The following NR2F2 variants were observed in gnomAD, a reference collection of about 807,000 sequenced individuals.
The protein encoded by NR2F2 is nuclear receptor subfamily 2 group F member 2, also known as COUP transcription factor 2.
Under a neutral mutation model 34.8 loss-of-function variants are expected in NR2F2, and 2 were observed. The ratio of observed to expected loss-of-function variants is 0.06; its 90% CI spans 0.02 to 0.18. The LOEUF (loss-of-function observed/expected upper bound fraction) is 0.18, where lower values mean the gene tolerates loss of function less well. Ranked by LOEUF, NR2F2 falls within the 10% of genes least tolerant of loss-of-function variation. The pLI, the probability that NR2F2 is intolerant of heterozygous loss-of-function variation, is 1.00. For missense variants in NR2F2, 300 were observed against 580.1 expected (o/e 0.52, Z 4.96); for synonymous variants, 274 against 251.8 (o/e 1.09, Z -0.84).
At chr15:96,328,554 T>C (rs1001064404), upstream of NR2F2, among the ~76,000 whole-genome samples, 7 of 152,252 alleles carry the variant, frequency 4.6e-5, no homozygotes, top group Admixed American at 3.9e-4. Flanking sequence ...TAGCAATTCC[T>C]GAATCATAGA....
At chr15:96,337,067 G>A (rs889837652) in intron 2 of NR2F2, among the ~76,000 whole-genome samples, 5 of 152,112 alleles carry the variant, frequency 3.3e-5, no homozygotes, top group Non-Finnish European at 5.9e-5. Flanking sequence ...CTAAGGACTC[G>A]GGCAGTGAAA....
Position 96,331,456 on chromosome 15 carries a change from C to A in NR2F2, c.-650C>A. On this transcript the variant is annotated 5_prime_UTR_variant, in exon 1 of 3. Transcript: ENST00000394166. ...CGCCCGCACCCGGCGCCTCCGATCT[C>A]CTAGTCCTCCTGATTTCGATGGCTT... The A allele has an allele frequency of 8.1e-7, 1 of 1,231,550 alleles. No homozygotes were observed. The highest frequency in any genetic ancestry group is 1.0e-6 in the Non-Finnish European group (1 of 988,164). The allele number at this position is 1,231,550 out of a possible 1,614,324, so 76.3% of individuals were successfully genotyped here. A position where few individuals can be genotyped will look rare whatever the true frequency, so the allele number is the denominator to read the frequency against.
At position 96,331,316 on chromosome 15, in the gene NR2F2, G is replaced by C. The variant is rs1004535272; in HGVS notation, c.-790G>C. 6.4e-5 allele frequency: 74 copies of C among 1,163,408 alleles called. No individual in the cohort carries two copies. The highest frequency in any genetic ancestry group is 9.4e-5 in the Admixed American group (2 of 21,214). 72.1% of individuals were successfully genotyped at this position (1,163,408 alleles called of 1,614,324 possible). On this transcript the variant is annotated 5_prime_UTR_variant, in exon 1 of 3. Transcript: ENST00000394166. ...GGCGGCGGCCCAGCGCCAGGACGAC[G>C]CCGCGCAGCGCCCGACGCGGACCAC...
Position 96,334,572 on chromosome 15 carries a change from C to T in NR2F2, c.939C>T (p.Ser313=), listed in dbSNP as rs769178392. 5.3e-5 allele frequency: 86 copies of T among 1,610,928 alleles called. No individual in the cohort carries two copies. Among genetic ancestry groups the T allele is most frequent in the Non-Finnish European group, 7.3e-5 (86 of 1,178,432 alleles). The change falls in exon 2 of 3, where the codon AGC becomes AGT. Residue 313 remains serine (S), a synonymous_variant. Coordinates refer to ENST00000394166, the MANE Select transcript of NR2F2 (RefSeq NM_021005.4). ...KALHVDSAEY[S]CLKAIVLFTS... is the part of the protein sequence containing the mutation. Reference sequence around the variant, plus strand: ...TGCACGTTGACTCAGCCGAGTACAGCTGCCTCAAGGCCATAGTCCTGTTCA... The same window carrying T: ...TGCACGTTGACTCAGCCGAGTACAGTTGCCTCAAGGCCATAGTCCTGTTCA...
chr15:96,332,156 C>A lies in NR2F2; in HGVS notation c.51C>A (p.Gly17=). ...GCGACCCCCAGGACGAGGTGCCCGG[C>A]TCACAGGGCAGCCAGGCCTCGCAGG... is the stretch of plus-strand genomic sequence containing the variant. ...TWRDPQDEVP[G]SQGSQASQAP... is the part of the protein sequence containing the mutation. The change falls in exon 1 of 3, where the codon GGC becomes GGA. Residue 17 remains glycine (G), a synonymous_variant. Transcript: ENST00000394166. 1 of 1,354,690 alleles carries A rather than the reference C, an allele frequency of 7.4e-7. No homozygotes were observed. The highest frequency in any genetic ancestry group is 1.9e-5 in the South Asian group (1 of 51,550). 83.9% of individuals were successfully genotyped at this position (1,354,690 alleles called of 1,614,324 possible).
chr15:96,331,284 C>T lies in NR2F2; in HGVS notation c.-822C>T. On this transcript the variant is annotated 5_prime_UTR_variant, in exon 1 of 3. Coordinates refer to ENST00000394166, the MANE Select transcript of NR2F2 (RefSeq NM_021005.4). ...GCGCGCGCCGGACGCCCGGGGCAGG[C>T]GGCGGCGGCGGCGGCCCAGCGCCAG... 1 of 1,017,558 alleles carries T rather than the reference C, an allele frequency of 9.8e-7. No individual in the cohort carries two copies. The highest frequency in any genetic ancestry group is 8.6e-5 in the East Asian group (1 of 11,600). 63.0% of individuals were successfully genotyped at this position (1,017,558 alleles called of 1,614,324 possible). A position where few individuals can be genotyped will look rare whatever the true frequency, so the allele number is the denominator to read the frequency against.
Position 96,331,085 on chromosome 15 carries a change from A to T in NR2F2, c.-1021A>T. On this transcript the variant is annotated 5_prime_UTR_variant, in exon 1 of 3. Coordinates refer to ENST00000394166, the MANE Select transcript of NR2F2 (RefSeq NM_021005.4). ...CAGCAGCAGCGGCTCCGGCGGCGGCAGCAGCGGCAGCAGCGACTTCAGCGG... is the reference window on the plus strand; with the variant it reads ...CAGCAGCAGCGGCTCCGGCGGCGGCTGCAGCGGCAGCAGCGACTTCAGCGG... The T allele has an allele frequency of 1.6e-6, 2 of 1,222,924 alleles. No individual in the cohort carries two copies. Among genetic ancestry groups the T allele is most frequent in the South Asian group, 8.2e-5 (2 of 24,526 alleles). The allele number at this position is 1,222,924 out of a possible 1,614,324, so 75.8% of individuals were successfully genotyped here. A position where few individuals can be genotyped will look rare whatever the true frequency, so the allele number is the denominator to read the frequency against.
Position 96,334,431 on chromosome 15 carries a change from C to T in NR2F2, c.798C>T (p.Val266=), listed in dbSNP as rs781768648. 4.3e-6 allele frequency: 7 copies of T among 1,613,774 alleles called. No individual in the cohort carries two copies. Among genetic ancestry groups the T allele is most frequent in the Admixed American group, 1.7e-5 (1 of 59,986 alleles). Residue 266 remains valine, a synonymous_variant, in exon 2 of 3, where the codon GTC becomes GTT. Coordinates refer to ENST00000394166, the MANE Select transcript of NR2F2 (RefSeq NM_021005.4). ...NAAQCSMPLH[V]APLLAAAGLH... ...CGCAGTGCTCCATGCCCCTCCACGTCGCCCCGCTCCTGGCCGCCGCCGGCC... is the reference window on the plus strand; with the variant it reads ...CGCAGTGCTCCATGCCCCTCCACGTTGCCCCGCTCCTGGCCGCCGCCGGCC...
intron 1 of NR2F2, chr15:96,333,801 G>A (rs964794051): frequency 7.2e-7 from 1 of 1,384,808 alleles, no homozygotes; most frequent in Non-Finnish European, 9.3e-7. Flanking sequence ...CGGGGACCCC[G>A]AGGCAAGGTG....
At position 96,338,409 on chromosome 15, in the gene NR2F2, AAGGAATGTGTCCAAGACACATGCTG is replaced by A. The variant is rs1184804246; in HGVS notation, c.*791_*815del. ...TGAACTGTGGAATTTATTGGCAGCC[AAGGAATGTGTCCAAGACACATGCTG>A]AGGTTTTGAATAAAAAGTGAACTTT... On this transcript the variant is annotated 3_prime_UTR_variant, in exon 3 of 3. Coordinates refer to ENST00000394166, the MANE Select transcript of NR2F2 (RefSeq NM_021005.4). The A allele has an allele frequency of 1.3e-5, 2 of 152,664 alleles. No homozygotes were observed. Among genetic ancestry groups the A allele is most frequent in the African/African-American group, 4.8e-5 (2 of 41,468 alleles). 9.5% of individuals were successfully genotyped at this position (152,664 alleles called of 1,614,324 possible). A position where few individuals can be genotyped will look rare whatever the true frequency, so the allele number is the denominator to read the frequency against.
chr15:96,328,587 A>T (rs1899049868), upstream of NR2F2, among the ~76,000 whole-genome samples: 1 of 152,210 alleles, frequency 6.6e-6, no homozygotes, highest in Admixed American at 6.5e-5. Context: ...AAACAACAAC[A>T]ACTACCAAAA....
Position 96,330,931 on chromosome 15 carries a change from TCC to T in NR2F2, c.-1170_-1169del. On this transcript the variant is annotated 5_prime_UTR_variant, in exon 1 of 3. Transcript: ENST00000394166. ...TTCATTCTTTCTCTCCGTCTTTTTC[TCC>T]CCCCTCTGCGCACGAAGGATGTGCT... The T allele has an allele frequency of 1.8e-6, 2 of 1,134,842 alleles. No individual in the cohort carries two copies. The highest frequency in any genetic ancestry group is 2.2e-6 in the Non-Finnish European group (2 of 924,130). 70.3% of individuals were successfully genotyped at this position (1,134,842 alleles called of 1,614,324 possible). A position where few individuals can be genotyped will look rare whatever the true frequency, so the allele number is the denominator to read the frequency against.
Position 96,337,488 on chromosome 15 carries a change from C to G in NR2F2, c.1111C>G (p.Arg371Gly). ...GKLLLRLPSLRTVSSSVIEQL... is the reference protein window; with the variant it reads ...GKLLLRLPSLGTVSSSVIEQL... ...GCTTTTGCTTCGCCTCCCTTCCCTC[C>G]GCACCGTCTCCTCCTCAGTCATAGA... is the stretch of plus-strand genomic sequence containing the variant. Residue 371 changes from arginine (R) to glycine (G), a missense_variant, in exon 3 of 3, where the codon CGC becomes GGC. Arg to Gly is a moderately radical substitution (Grantham distance 125, BLOSUM62 -2). Transcript: ENST00000394166. The G allele has an allele frequency of 6.2e-7, 1 of 1,614,126 alleles. No homozygotes were observed. The highest frequency in any genetic ancestry group is 8.5e-7 in the Non-Finnish European group (1 of 1,180,036).
chr15:96,337,242 T>A, intron 2 of NR2F2, 106 bp from the exon 3 acceptor site: 1 of 1,225,578 alleles, frequency 8.2e-7, no homozygotes, highest in South Asian at 1.4e-5. Context: ...TGCACACACC[T>A]CATGTGACCC....
In NR2F2 at chr15:96,339,814, C is replaced by A. The variant is rs1899448067; in HGVS notation, c.*2192C>A. On this transcript the variant is annotated 3_prime_UTR_variant, in exon 3 of 3. Coordinates refer to ENST00000394166, the MANE Select transcript of NR2F2 (RefSeq NM_021005.4). ...TATTCAAGGTTTCCAACCCACCCCC[C>A]CACCGCCAGTACTTCATCATGTTGT... is the stretch of plus-strand genomic sequence containing the variant. 6.6e-6 allele frequency: 1 copy of A among 152,038 alleles called. No individual in the cohort carries two copies. The highest frequency in any genetic ancestry group is 2.1e-4 in the South Asian group (1 of 4,804). 9.4% of individuals were successfully genotyped at this position (152,038 alleles called of 1,614,324 possible).
intron 1 of NR2F2, chr15:96,333,410 G>A (rs1899213887): frequency 1.0e-6 from 1 of 1,002,244 alleles, no homozygotes; most frequent in African/African-American, 1.7e-5. Flanking sequence ...GCCCTGCCCA[G>A]GCTCCGCTAG....
rs1242243788 is a variant in NR2F2 at position 96,337,506 on chromosome 15, G to A, written c.1129G>A (p.Val377Ile). 1 of 1,614,060 alleles carries A rather than the reference G, an allele frequency of 6.2e-7. No homozygotes were observed. The highest frequency in any genetic ancestry group is 8.5e-7 in the Non-Finnish European group (1 of 1,180,018). Residue 377 changes from valine (V) to isoleucine (I), a missense_variant, in exon 3 of 3, where the codon GTC becomes ATC. Val to Ile is a conservative substitution (Grantham distance 29, BLOSUM62 3). Around this residue, in one of 6 missense-constraint regions of NR2F2, gnomAD observed 164 missense variants for 365.3 expected, o/e 0.45. Transcript: ENST00000394166. ...LPSLRTVSSS[V>I]IEQLFFVRLV... is the part of the protein sequence containing the mutation. ...TTCCCTCCGCACCGTCTCCTCCTCAGTCATAGAGCAATTGTTTTTCGTCCG... is the reference window on the plus strand; with the variant it reads ...TTCCCTCCGCACCGTCTCCTCCTCAATCATAGAGCAATTGTTTTTCGTCCG...
upstream of NR2F2, chr15:96,326,452 C>A: frequency 9.8e-7 from 1 of 1,021,830 alleles, no homozygotes; most frequent in Non-Finnish European, 1.5e-6. The surrounding 1 kb of genome is among the most constrained non-coding windows in gnomAD (Gnocchi z 5.5). Context: ...TTCAAAATAT[C>A]GGTTTGCTAA....
chr15:96,329,737 T>C (rs866033904), upstream of NR2F2, among the ~76,000 whole-genome samples: 4 of 152,214 alleles, frequency 2.6e-5, no homozygotes, highest in South Asian at 8.3e-4. Flanking sequence ...CTTTCCCCTC[T>C]CACCATGACT....
Sources: allele counts gnomAD v4.1 joint callset (sites outside exome capture counted in the v4.1 genomes callset), GRCh38; gene constraint gnomAD v4.1.1; regional missense constraint gnomAD v4.1.1; non-coding constraint Gnocchi (gnomAD v3.1); transcripts MANE v1.5; gene names NCBI Gene and HGNC (gene_info 2026-07-23, HGNC 2026-07-21).